Variants in ATG7 observed in about 807,000 individuals in gnomAD.
The protein encoded by ATG7 is ubiquitin-like modifier-activating enzyme ATG7.
ATG7 carries 70 observed loss-of-function variants against 82.4 expected under a neutral mutation model. That is an observed-to-expected ratio of 0.85 (90% CI 0.70 to 1.04). The LOEUF (loss-of-function observed/expected upper bound fraction) is 1.04, where lower values mean the gene tolerates loss of function less well. Ranked by LOEUF, ATG7 falls within the 50% of genes least tolerant of loss-of-function variation. The pLI is 0.00. For synonymous variants in ATG7, 287 were observed against 313.0 expected, an observed-to-expected ratio of 0.92 and a Z score of 0.88; for missense variants, 792 against 864.3, an observed-to-expected ratio of 0.92 and a Z score of 1.05.
At chr3:11,341,046 A>G (rs1439036210) in intron 12 of ATG7, among the ~76,000 whole-genome samples, 1 of 152,022 alleles carries the variant, frequency 6.6e-6, no homozygotes, top group East Asian at 1.9e-4. Flanking sequence ...GCTTGGTCCT[A>G]TTGGCCCACT....
At chr3:11,279,667 A>G (rs1379951582) in intron 1 of ATG7, among the ~76,000 whole-genome samples, 7 of 152,184 alleles carry the variant, frequency 4.6e-5, no homozygotes, top group Non-Finnish European at 1.0e-4. Context: ...CCTGGGTGAC[A>G]GAGCAAGACT....
rs376408697 is a variant in ATG7, at chr3:11,342,207, C to G, written c.1053C>G (p.Asp351Glu). 12 of 1,613,570 alleles carry G rather than the reference C, an allele frequency of 7.4e-6. No individual in the cohort carries two copies. In the African/African-American group the frequency reaches 1.5e-4, roughly 20 times the overall value. The change falls in exon 13 of 21, where the codon GAC becomes GAG. Residue 351 changes from aspartate to glutamate, a missense_variant. By Grantham distance (45) the Asp-to-Glu change is conservative (BLOSUM62 2). Coordinates refer to ENST00000693202, the MANE Select transcript of ATG7 (RefSeq NM_001349232.2). ...GATTGGTTCCTACTTTAGACTTGGA[C>G]AAGGTTGTGTCTGTCAAATGTCTGC... Reference protein sequence around the residue: ...CWRLVPTLDLDKVVSVKCLLL... With the variant: ...CWRLVPTLDLEKVVSVKCLLL...
chr3:11,439,868 C>T (rs575026721), intron 20 of ATG7, among the ~76,000 whole-genome samples: 1 of 152,188 alleles, frequency 6.6e-6, no homozygotes, highest in Admixed American at 6.5e-5. Flanking sequence ...TTTCAGGGCG[C>T]TTTTGTACCT....
At chr3:11,387,748 A>C (rs1327049076) in intron 19 of ATG7, among the ~76,000 whole-genome samples, 1 of 152,170 alleles carries the variant, frequency 6.6e-6, no homozygotes, top group Non-Finnish European at 1.5e-5. Context: ...AGGCAGGCGG[A>C]TCACGAGGTC....
Position 11,360,617 on chromosome 3 carries a change from G to C in ATG7, c.1516G>C (p.Val506Leu). Residue 506 changes from valine (V) to leucine (L), a missense_variant, in exon 16 of 21, where the codon GTT becomes CTT. Transcript: ENST00000693202. ...TGCTGCTTTGGGATTTGACACATTT[G>C]TTGTCATGAGACATGGTCTGAAGAA... is the stretch of plus-strand genomic sequence containing the variant. ...INAALGFDTFVVMRHGLKKPK... is the reference protein window; with the variant it reads ...INAALGFDTFLVMRHGLKKPK... 6.2e-7 allele frequency: 1 copy of C among 1,614,136 alleles called. No individual in the cohort carries two copies. Among genetic ancestry groups the C allele is most frequent in the Non-Finnish European group, 8.5e-7 (1 of 1,180,030 alleles).
chr3:11,380,186 G>A (rs1418436034), intron 19 of ATG7, 134 bp downstream of exon 19: 2 of 746,678 alleles, frequency 2.7e-6, no homozygotes, highest in African/African-American at 3.5e-5. Context: ...TAAACCCTCA[G>A]AAAGGACTTT....
intron 3 of ATG7, among the ~76,000 whole-genome samples, chr3:11,284,123 T>G (rs1033097346): frequency 1.3e-5 from 2 of 152,238 alleles, no homozygotes; most frequent in Admixed American, 1.3e-4. Context: ...TCCCTCTGTT[T>G]TTTATTTTCT....
intron 20 of ATG7, among the ~76,000 whole-genome samples, chr3:11,543,240 T>C (rs905539834): frequency 6.6e-6 from 1 of 152,366 alleles, no homozygotes; most frequent in Non-Finnish European, 1.5e-5. Flanking sequence ...GTCTTTGTAG[T>C]AGAACCTTAA....
intron 20 of ATG7, among the ~76,000 whole-genome samples, chr3:11,481,166 A>G (rs1248124213): frequency 6.6e-6 from 1 of 152,198 alleles, no homozygotes. Flanking sequence ...TACTGTTGAG[A>G]ACAAATATAG....
chr3:11,395,807 G>GT (rs1320672339), intron 19 of ATG7, among the ~76,000 whole-genome samples: 1 of 151,964 alleles, frequency 6.6e-6, no homozygotes, highest in Non-Finnish European at 1.5e-5. Flanking sequence ...GGGCGTGGTG[G>GT]TGGGCGCCTG....
chr3:11,495,960 C>T (rs956559528), intron 20 of ATG7, among the ~76,000 whole-genome samples: 2 of 152,128 alleles, frequency 1.3e-5, no homozygotes, highest in Admixed American at 6.5e-5. Flanking sequence ...TTTTCATAGG[C>T]GCGTCACGCT....
intron 20 of ATG7, among the ~76,000 whole-genome samples, chr3:11,545,966 C>T (rs2071245397): frequency 6.6e-6 from 1 of 151,964 alleles, no homozygotes; most frequent in Non-Finnish European, 1.5e-5. Context: ...TAGGGAGACC[C>T]CATCTCCACA....
At chr3:11,290,236 TA>T (rs1944747019) in intron 3 of ATG7, among the ~76,000 whole-genome samples, 1 of 152,228 alleles carries the variant, frequency 6.6e-6, no homozygotes, top group Admixed American at 6.5e-5. Flanking sequence ...CAAATAACTT[TA>T]TAGAAAGGCA....
chr3:11,313,535 A>G, intron 8 of ATG7, 115 bp downstream of exon 8: 2 of 691,928 alleles, frequency 2.9e-6, no homozygotes. Flanking sequence ...GGTAACTGAA[A>G]TCCTCCAAAG....
intron 20 of ATG7, among the ~76,000 whole-genome samples, chr3:11,512,947 TAGATTAGCTAGATACAG>T (rs2092129033): frequency 6.6e-6 from 1 of 152,004 alleles, no homozygotes; most frequent in Non-Finnish European, 1.5e-5. Flanking sequence ...AAGTCCCCAC[TAGATTAGCTAGATACAG>T]AGTGTGGACA....
chr3:11,287,666 T>C (rs1944311582), intron 3 of ATG7, among the ~76,000 whole-genome samples: 2 of 152,270 alleles, frequency 1.3e-5, no homozygotes, highest in South Asian at 4.1e-4. Context: ...CTTGGCTTAA[T>C]GATGCTGAGA....
At chr3:11,561,826 C>A (rs1337340576), downstream of ATG7, among the ~76,000 whole-genome samples, 9 of 151,842 alleles carry the variant, frequency 5.9e-5, no homozygotes, top group South Asian at 1.9e-3. Flanking sequence ...AGAGGCTGCC[C>A]CGGGGGAGAG....
chr3:11,420,213 A>G (rs2081807679), intron 19 of ATG7, among the ~76,000 whole-genome samples: 1 of 152,222 alleles, frequency 6.6e-6, no homozygotes, highest in African/African-American at 2.4e-5. Flanking sequence ...CAGCACATAA[A>G]AAGAATACTG....
chr3:11,451,063 A>G (rs1255809753), intron 20 of ATG7, among the ~76,000 whole-genome samples: 6 of 152,218 alleles, frequency 3.9e-5, no homozygotes. Context: ...CCCAGGACAA[A>G]TATTTATTTG....
Sources: allele counts gnomAD v4.1 joint callset (sites outside exome capture counted in the v4.1 genomes callset), GRCh38; gene constraint gnomAD v4.1.1; transcripts MANE v1.5; gene names NCBI Gene and HGNC (gene_info 2026-07-23, HGNC 2026-07-21).